C3orf33: variants seen among roughly 807,000 people sequenced by gnomAD.
C3orf33 encodes the protein AP-1 activity suppressor.
C3orf33 carries 23 observed loss-of-function variants against 28.7 expected under a neutral mutation model. That is an observed-to-expected ratio of 0.80 (90% CI 0.58 to 1.13). The LOEUF (loss-of-function observed/expected upper bound fraction) is 1.13, where lower values mean the gene tolerates loss of function less well. Ranked by LOEUF, C3orf33 falls within the 50% of genes most tolerant of loss-of-function variation. The pLI is 0.00. For missense variants in C3orf33, 327 were observed against 353.4 expected, an observed-to-expected ratio of 0.93 and a Z score of 0.60; for synonymous variants, 119 against 120.5, an observed-to-expected ratio of 0.99 and a Z score of 0.08.
intron 3 of C3orf33, among the ~76,000 whole-genome samples, chr3:155,770,301 G>A (rs1405761490): frequency 6.6e-6 from 1 of 152,190 alleles, no homozygotes; most frequent in Non-Finnish European, 1.5e-5. Flanking sequence ...CAAGCCAAGT[G>A]CAGCCCACCA....
At chr3:155,767,842 C>A (rs1219558049) in intron 3 of C3orf33, among the ~76,000 whole-genome samples, 173 bp from the exon 4 acceptor site, 3 of 152,124 alleles carry the variant, frequency 2.0e-5, no homozygotes, top group Admixed American at 1.3e-4. Flanking sequence ...TAAAACAATA[C>A]AAGTATATAT....
At chr3:155,803,646 C>G (rs1156555962) in intron 1 of C3orf33, among the ~76,000 whole-genome samples, 1 of 151,292 alleles carries the variant, frequency 6.6e-6, no homozygotes, top group East Asian at 1.9e-4. Flanking sequence ...TTGGGGAGGC[C>G]GAGGCGGGTG....
Position 155,790,624 on chromosome 3 carries a change from C to A in C3orf33, c.174+11908G>T, listed in dbSNP as rs148346086. The stretch of plus-strand genomic sequence containing the variant: ...CCCCTCCCCCATCCCTTTGCAGCAG[C>A]TGCGTGGCATGGAGGGAGAATCTAT... On this transcript the variant is annotated intron_variant, in intron 2 of 4. Coordinates refer to ENST00000340171, the MANE Select transcript of C3orf33 (RefSeq NM_001308229.2). 4.1e-3 allele frequency among the ~76,000 whole-genome samples: 619 copies of A among 152,296 alleles called. 5 individuals carry two copies. Among genetic ancestry groups the A allele is most frequent in the African/African-American group, 0.014 (574 of 41,562 alleles).
At chr3:155,773,857 G>A (rs1187435647) in intron 3 of C3orf33, among the ~76,000 whole-genome samples, 1 of 152,218 alleles carries the variant, frequency 6.6e-6, no homozygotes, top group Non-Finnish European at 1.5e-5. Context: ...TGTAAATCCT[G>A]CTTAGAGCTG....
At chr3:155,793,389 G>GA (rs1380766578) in intron 2 of C3orf33, among the ~76,000 whole-genome samples, 19 of 144,556 alleles carry the variant, frequency 1.3e-4, no homozygotes, top group Admixed American at 4.1e-4. Context: ...AAAAAAGAAA[G>GA]AAAAAAAACG....
chr3:155,782,981 C>T (rs1472942985), intron 2 of C3orf33, among the ~76,000 whole-genome samples: 1 of 152,034 alleles, frequency 6.6e-6, no homozygotes, highest in Non-Finnish European at 1.5e-5. Flanking sequence ...TTTTTGAGTG[C>T]CAACCTGACA....
intron 2 of C3orf33, among the ~76,000 whole-genome samples, chr3:155,781,961 A>G (rs1380625948): frequency 4.0e-5 from 6 of 151,636 alleles, no homozygotes; most frequent in African/African-American, 1.5e-4. Context: ...TTGTAGTCCC[A>G]GCTACTCAGG....
chr3:155,777,669 T>C (rs1197533072), intron 2 of C3orf33, among the ~76,000 whole-genome samples: 1 of 152,134 alleles, frequency 6.6e-6, no homozygotes, highest in Non-Finnish European at 1.5e-5. Flanking sequence ...ATTCCTGGGC[T>C]CAAACAATCC....
chr3:155,790,211 AT>A (rs1751270301), intron 2 of C3orf33, among the ~76,000 whole-genome samples: 1 of 146,554 alleles, frequency 6.8e-6, no homozygotes, highest in African/African-American at 2.5e-5. Context: ...AAAACGGAAT[AT>A]TCACATGCAA....
intron 1 of C3orf33, among the ~76,000 whole-genome samples, chr3:155,802,937 A>AT (rs1751694220): frequency 6.6e-6 from 1 of 152,000 alleles, no homozygotes; most frequent in Non-Finnish European, 1.5e-5. Flanking sequence ...ATAGTATTGG[A>AT]TTGTTCTCTA....
intron 4 of C3orf33, among the ~76,000 whole-genome samples, chr3:155,766,700 G>A (rs1282991437): frequency 6.6e-6 from 1 of 152,220 alleles, no homozygotes; most frequent in Admixed American, 6.5e-5. Context: ...TGTAATGCCA[G>A]CACTTTGGGA....
chr3:155,783,151 T>C (rs1750985943), intron 2 of C3orf33, among the ~76,000 whole-genome samples: 1 of 149,850 alleles, frequency 6.7e-6, no homozygotes, highest in Non-Finnish European at 1.5e-5. Context: ...ACTCAACCCA[T>C]TCTACATTTT....
At chr3:155,795,666 G>A (rs138188186) in intron 2 of C3orf33, among the ~76,000 whole-genome samples, 419 of 151,884 alleles carry the variant, frequency 2.8e-3, no homozygotes, top group African/African-American at 9.6e-3. Flanking sequence ...GAATCAAATG[G>A]TAATGAAGGC....
intron 2 of C3orf33, among the ~76,000 whole-genome samples, chr3:155,779,773 G>T (rs1436330375): frequency 6.6e-6 from 1 of 152,210 alleles, no homozygotes; most frequent in Non-Finnish European, 1.5e-5. Context: ...TACTAAAAGT[G>T]CATCCTTTTT....
At chr3:155,791,070 T>C (rs943563873) in intron 2 of C3orf33, among the ~76,000 whole-genome samples, 3 of 152,164 alleles carry the variant, frequency 2.0e-5, no homozygotes, top group African/African-American at 7.2e-5. Flanking sequence ...TCCTTCCTTC[T>C]ACCTGAGGAG....
chr3:155,781,971 G>A (rs1395512738), intron 2 of C3orf33, among the ~76,000 whole-genome samples: 1 of 151,556 alleles, frequency 6.6e-6, no homozygotes. Context: ...AGCTACTCAG[G>A]AGGCTGAGGC....
intron 2 of C3orf33, among the ~76,000 whole-genome samples, chr3:155,798,680 T>C (rs905732944): frequency 6.6e-6 from 1 of 152,118 alleles, no homozygotes; most frequent in Non-Finnish European, 1.5e-5. Flanking sequence ...CAAGAAAACA[T>C]TGGGGAAACT....
intron 2 of C3orf33, among the ~76,000 whole-genome samples, chr3:155,792,405 C>T (rs1043553671): frequency 2.6e-4 from 39 of 152,042 alleles, no homozygotes; most frequent in African/African-American, 9.2e-4. Flanking sequence ...TAATAAATAC[C>T]GAAATCTTCA....
chr3:155,791,557 C>T (rs1751316483), intron 2 of C3orf33, among the ~76,000 whole-genome samples: 1 of 152,038 alleles, frequency 6.6e-6, no homozygotes, highest in African/African-American at 2.4e-5. Flanking sequence ...GGCTCTTGGA[C>T]ACCATTTCTG....
Sources: allele counts gnomAD v4.1 joint callset (sites outside exome capture counted in the v4.1 genomes callset), GRCh38; gene constraint gnomAD v4.1.1; transcripts MANE v1.5; gene names NCBI Gene and HGNC (gene_info 2026-07-23, HGNC 2026-07-21).